Variants in PNISR observed in about 807,000 individuals in gnomAD.
PNISR encodes the protein arginine/serine-rich protein PNISR.
A neutral mutation model predicts 93.4 loss-of-function variants in PNISR; 20 were observed. That is an observed-to-expected ratio of 0.21 (90% CI 0.15 to 0.31). The LOEUF is 0.31. Ranked by LOEUF, PNISR falls within the 10% of genes least tolerant of loss-of-function variation. The pLI, the probability that PNISR is intolerant of heterozygous loss-of-function variation, is 1.00. For missense variants in PNISR, 893 were observed against 985.4 expected (o/e 0.91, Z 1.25); for synonymous variants, 305 against 306.5 (o/e 0.99, Z 0.05).
chr6:99,422,915 G>GTCGGT (rs1487478346), intron 1 of PNISR, among the ~76,000 whole-genome samples: 1 of 146,620 alleles, frequency 6.8e-6, no homozygotes, highest in African/African-American at 2.5e-5. Flanking sequence ...GAATTGGAGA[G>GTCGGT]TCGGTTATAA....
intron 4 of PNISR, chr6:99,411,776 GACTA>G (rs1776955617): frequency 6.5e-6 from 1 of 154,904 alleles, no homozygotes; most frequent in African/African-American, 2.5e-5. Context: ...CTCTATGCCT[GACTA>G]AGTTTTAAGG....
At position 99,402,631 on chromosome 6, in the gene PNISR, A is replaced by C. The variant is rs888187870; in HGVS notation, c.1236T>G (p.Asp412Glu). Residue 412 changes from aspartate to glutamate, a missense_variant, in exon 11 of 12, where the codon GAT (aspartate) becomes GAG (glutamate). Transcript: ENST00000369239. ...GCCGGATTCGATGCCGTAATTCTTC[A>C]TCATCAGTGTCAGATGACTCAGATC... ...DRGSESSDTD[D>E]EELRHRIRQK... The C allele has an allele frequency of 6.2e-7, 1 of 1,613,720 alleles. No individual in the cohort carries two copies. Among genetic ancestry groups the C allele is most frequent in the Non-Finnish European group, 8.5e-7 (1 of 1,179,708 alleles).
intron 1 of PNISR, among the ~76,000 whole-genome samples, chr6:99,424,250 T>C (rs1217917233): frequency 1.3e-5 from 2 of 152,256 alleles, no homozygotes; most frequent in African/African-American, 2.4e-5. Context: ...GAATAAACTA[T>C]GGACCTTAGT....
chr6:99,416,524 T>G, intron 1 of PNISR, 96 bp from the exon 2 acceptor site: 1 of 414,466 alleles, frequency 2.4e-6, no homozygotes, highest in Non-Finnish European at 4.1e-6. Flanking sequence ...CATCTCCAAG[T>G]TAGTCACTTT....
intron 4 of PNISR, 124 bp from the exon 5 acceptor site, chr6:99,411,088 T>C (rs1442428651): frequency 1.5e-6 from 1 of 677,788 alleles, no homozygotes; most frequent in Non-Finnish European, 2.5e-6. Flanking sequence ...TTATGACTTC[T>C]TGGTCAAATT....
At chr6:99,410,497 A>C in intron 5 of PNISR, 1 of 482,718 alleles carries the variant, frequency 2.1e-6, no homozygotes, top group Non-Finnish European at 3.7e-6. Flanking sequence ...TTGCACTTAT[A>C]CATTTTTAAT....
At chr6:99,411,826 T>A (rs1310848837) in intron 4 of PNISR, 1 of 152,980 alleles carries the variant, frequency 6.5e-6, no homozygotes, top group Non-Finnish European at 1.4e-5. Context: ...GACAGGGCCT[T>A]GCTATGTTGC....
intron 1 of PNISR, among the ~76,000 whole-genome samples, chr6:99,420,806 A>G (rs188146911): frequency 1.2e-4 from 18 of 152,358 alleles, no homozygotes; most frequent in African/African-American, 4.1e-4. Flanking sequence ...TAAGTTAAAG[A>G]TGACATACAA....
chr6:99,410,714 A>G (rs368983398), intron 5 of PNISR, 27 bp downstream of exon 5: 27 of 1,530,908 alleles, frequency 1.8e-5, no homozygotes, highest in Non-Finnish European at 2.3e-5. Flanking sequence ...CACATCTACA[A>G]TATTAAAGCA....
chr6:99,401,653 C>T, intron 11 of PNISR, 23 bp from the exon 12 acceptor site: 1 of 1,491,438 alleles, frequency 6.7e-7, no homozygotes, highest in Non-Finnish European at 8.9e-7. Flanking sequence ...AAGACAAAAA[C>T]ACTAAGAAAA....
chr6:99,407,651 G>A (rs949465074), intron 7 of PNISR, among the ~76,000 whole-genome samples: 2 of 152,176 alleles, frequency 1.3e-5, no homozygotes, highest in Non-Finnish European at 2.9e-5. Context: ...AACTGAGGAA[G>A]ATTTGAAGAC....
intron 1 of PNISR, among the ~76,000 whole-genome samples, chr6:99,418,400 T>A (rs1562259979): frequency 6.6e-6 from 1 of 151,430 alleles, no homozygotes; most frequent in Non-Finnish European, 1.5e-5. Context: ...CCTCCCAAAG[T>A]GCTGGGATTA....
At chr6:99,404,750 A>G in intron 8 of PNISR, 48 bp from the exon 9 acceptor site, 1 of 888,002 alleles carries the variant, frequency 1.1e-6, no homozygotes, top group Non-Finnish European at 1.8e-6. Context: ...ATAGCTACTA[A>G]TAGTGTGACA....
intron 1 of PNISR, among the ~76,000 whole-genome samples, chr6:99,423,212 G>A (rs1284913533): frequency 6.6e-6 from 1 of 151,610 alleles, no homozygotes; most frequent in Admixed American, 6.6e-5. Flanking sequence ...GCTGCCAATG[G>A]CCAAAGCTGG....
chr6:99,409,268 G>A lies in PNISR; in HGVS notation c.578C>T (p.Ala193Val). ...YWQPGPPGPP[A>V]PPQNRRERPS... ...CCTTTCTCTTCGATTCTGGGGAGGT[G>A]CTGGAGGTCCTGGAGGTCCTGGTTG... The change falls in exon 6 of 12, where the codon GCA becomes GTA. Residue 193 changes from alanine to valine, a missense_variant. Transcript: ENST00000369239. 4.3e-6 allele frequency: 7 copies of A among 1,613,934 alleles called. No individual in the cohort carries two copies. The highest frequency in any genetic ancestry group is 5.9e-6 in the Non-Finnish European group (7 of 1,179,882).
Position 99,400,977 on chromosome 6 carries a change from T to C in PNISR, c.1981A>G (p.Lys661Glu), listed in dbSNP as rs761394204. ...CTCTCCTTTTTCCTCTCTTGTTCTT[T>C]AGCCTCACCTTTATGCTTATGACTG... ...GNSHKHKGEA[K>E]EQERKKERSR... The change falls in exon 12 of 12, where the codon AAA becomes GAA. Residue 661 changes from lysine to glutamate, a missense_variant. Physicochemically the swap from Lys to Glu is moderately conservative, Grantham distance 56. Coordinates refer to ENST00000369239, the MANE Select transcript of PNISR (RefSeq NM_032870.4). 1 of 1,611,620 alleles carries C rather than the reference T, an allele frequency of 6.2e-7. No homozygotes were observed. Among genetic ancestry groups the C allele is most frequent in the South Asian group, 1.1e-5 (1 of 91,032 alleles).
At chr6:99,414,776 A>G (rs1290251413) in intron 2 of PNISR, 86 bp from the exon 3 acceptor site, 2 of 584,634 alleles carry the variant, frequency 3.4e-6, no homozygotes, top group Non-Finnish European at 5.6e-6. Flanking sequence ...ATGATGATAC[A>G]TTTATTTCAT....
chr6:99,413,667 T>C (rs1315109394), intron 3 of PNISR, among the ~76,000 whole-genome samples: 1 of 152,220 alleles, frequency 6.6e-6, no homozygotes, highest in Admixed American at 6.5e-5. Context: ...AAGATCTTTT[T>C]AATAATTTTT....
intron 4 of PNISR, 194 bp downstream of exon 4, chr6:99,412,357 C>A: frequency 1.5e-6 from 1 of 686,536 alleles, no homozygotes; most frequent in Non-Finnish European, 2.7e-6. Context: ...AAACTGAGTG[C>A]CACAAAGCTA....
Sources: allele counts gnomAD v4.1 joint callset (sites outside exome capture counted in the v4.1 genomes callset), GRCh38; gene constraint gnomAD v4.1.1; transcripts MANE v1.5; gene names NCBI Gene and HGNC (gene_info 2026-07-23, HGNC 2026-07-21).